The following XRRA1 variants were observed in gnomAD, a reference collection of about 807,000 sequenced individuals.
XRRA1 encodes X-ray radiation resistance associated 1.
XRRA1 carries 69 observed loss-of-function variants against 80.2 expected under a neutral mutation model. That is an observed-to-expected ratio of 0.86 (90% CI 0.71 to 1.05). XRRA1 has a LOEUF of 1.05. Among genes scored for constraint, XRRA1 ranks in the 50% least tolerant of loss-of-function variants. The pLI is 0.00. For synonymous variants in XRRA1, 348 were observed against 389.9 expected, an observed-to-expected ratio of 0.89 and a Z score of 1.27; for missense variants, 967 against 976.4, an observed-to-expected ratio of 0.99 and a Z score of 0.13.
chr11:74,943,548 T>TGTGTGTGTGTGTGTGTGTGTGTGG (rs1946832760), intron 2 of XRRA1, among the ~76,000 whole-genome samples: 1 of 150,834 alleles, frequency 6.6e-6, no homozygotes, highest in Non-Finnish European at 1.5e-5. Context: ...TGTGTGTGTG[T>TGTGTGTGTGTGTGTGTGTGTGTGG]GTGTGTGTGT....
Position 74,859,170 on chromosome 11 carries a change from C to T in XRRA1, c.1158G>A (p.Leu386=), listed in dbSNP as rs1359303142. The part of the protein sequence containing the change: ...PPFPELRYLS[L]AYNKIAKEDA... ...AGCAGAAAGTCACCTTGTTGTAGGC[C>T]AGGCTAAGGTATCTCAGCTCTGGGA... Residue 386 remains leucine, a synonymous_variant, in exon 12 of 19, where the codon CTG becomes CTA. Transcript: ENST00000684022. 1 of 1,600,450 alleles carries T rather than the reference C, an allele frequency of 6.2e-7. No homozygotes were observed. Among genetic ancestry groups the T allele is most frequent in the African/African-American group, 1.4e-5 (1 of 73,874 alleles).
In XRRA1 at chr11:74,843,453, C is replaced by G; in HGVS notation, c.2150G>C (p.Gly717Ala). 1.9e-6 allele frequency: 3 copies of G among 1,610,874 alleles called. No homozygotes were observed. The highest frequency in any genetic ancestry group is 1.7e-6 in the Non-Finnish European group (2 of 1,178,666). ...TTCTGTCCACTGGTGCAGGACAGCACCTGCAGGAAAAGAAGCCAGGAGAGG... is the reference window on the plus strand; with the variant it reads ...TTCTGTCCACTGGTGCAGGACAGCAGCTGCAGGAAAAGAAGCCAGGAGAGG... ...DPRNITEAPLGAVLHQWTERR... is the reference protein window; with the variant it reads ...DPRNITEAPLAAVLHQWTERR... The change falls in exon 19 of 19, where the codon GGT becomes GCT. Residue 717 changes from glycine (G) to alanine (A), a missense_variant and splice_region_variant. Coordinates refer to ENST00000684022, the MANE Select transcript of XRRA1 (RefSeq NM_001378157.1).
intron 10 of XRRA1, among the ~76,000 whole-genome samples, chr11:74,904,651 A>G (rs2054203281): frequency 1.3e-5 from 2 of 152,114 alleles, no homozygotes; most frequent in Non-Finnish European, 2.9e-5. Context: ...ATCAATAATC[A>G]CCATGTGAGT....
At chr11:74,940,438 G>T (rs1946096811) in intron 3 of XRRA1, among the ~76,000 whole-genome samples, 1 of 152,150 alleles carries the variant, frequency 6.6e-6, no homozygotes, top group South Asian at 2.1e-4. Flanking sequence ...CAAGAATGAG[G>T]GCTGGAACAT....
At chr11:74,881,769 C>T (rs1471700266) in intron 10 of XRRA1, among the ~76,000 whole-genome samples, 1 of 149,960 alleles carries the variant, frequency 6.7e-6, no homozygotes, top group Non-Finnish European at 1.5e-5. Context: ...ACTTATGAAG[C>T]TTAGTTTGGC....
intron 10 of XRRA1, among the ~76,000 whole-genome samples, chr11:74,888,316 T>C (rs976071141): frequency 6.6e-6 from 1 of 152,164 alleles, no homozygotes; most frequent in East Asian, 1.9e-4. Context: ...AAACAGGGTC[T>C]AGAGTGGACC....
intron 6 of XRRA1, among the ~76,000 whole-genome samples, chr11:74,929,641 C>A (rs775346826): frequency 1.3e-5 from 2 of 152,190 alleles, no homozygotes; most frequent in Non-Finnish European, 2.9e-5. Flanking sequence ...CTCCAGCAGC[C>A]GGAAATGCCT....
intron 10 of XRRA1, among the ~76,000 whole-genome samples, chr11:74,901,292 G>T (rs1388144392): frequency 1.3e-5 from 2 of 151,926 alleles, no homozygotes; most frequent in African/African-American, 4.8e-5. Flanking sequence ...AATTGAAAAG[G>T]ACACATAAAA....
chr11:74,914,281 C>T (rs539546078), intron 8 of XRRA1, among the ~76,000 whole-genome samples: 1 of 151,152 alleles, frequency 6.6e-6, no homozygotes, highest in East Asian at 1.9e-4. Flanking sequence ...CCACCGTGCC[C>T]ATCCCCCTTT....
intron 14 of XRRA1, among the ~76,000 whole-genome samples, chr11:74,850,421 G>T (rs565852002): frequency 6.6e-6 from 1 of 152,188 alleles, no homozygotes; most frequent in African/African-American, 2.4e-5. Flanking sequence ...CTCTGAGGAC[G>T]TCAGACAAGA....
chr11:74,888,753 G>A (rs371548154), intron 10 of XRRA1, among the ~76,000 whole-genome samples: 3 of 152,288 alleles, frequency 2.0e-5, no homozygotes, highest in Admixed American at 6.5e-5. Context: ...ACCATGGCAC[G>A]AGAACTACGT....
intron 3 of XRRA1, among the ~76,000 whole-genome samples, chr11:74,939,750 T>C (rs1945911086): frequency 6.6e-6 from 1 of 152,288 alleles, no homozygotes; most frequent in East Asian, 1.9e-4. Flanking sequence ...GACTGGTAAA[T>C]ATACATATGT....
chr11:74,857,863 T>C lies in XRRA1; in HGVS notation c.1170+1295A>G, dbSNP rs186405397. ...AACTAACTTATAAATAACCTGTGGA[T>C]CAAAGAAGAAATCACAGGAAAAAGT... is the stretch of plus-strand genomic sequence containing the variant. On this transcript the variant is annotated intron_variant, in intron 12 of 18. Transcript: ENST00000684022. Among the ~76,000 whole-genome samples the C allele has an allele frequency of 1.3e-3, 199 of 152,160 alleles. 5 individuals carry two copies. The highest frequency in any genetic ancestry group is 0.013 in the Admixed American group (199 of 15,292).
At position 74,907,170 on chromosome 11, in the gene XRRA1, A is replaced by C; in HGVS notation, c.760T>G (p.Phe254Val). Residue 254 changes from phenylalanine to valine, a missense_variant, in exon 9 of 19, where the codon TTT (phenylalanine) becomes GTT (valine). Coordinates refer to ENST00000684022, the MANE Select transcript of XRRA1 (RefSeq NM_001378157.1). ...DDNRLSNPSC[F>V]ASLAGLRRLK... The stretch of plus-strand genomic sequence containing the variant: ...CTCCTGAGCCCAGCCAGGCTGGCAA[A>C]GCAACTGGGGTTGGAGAGTCTGTTG... 6.2e-7 allele frequency: 1 copy of C among 1,613,932 alleles called. No individual in the cohort carries two copies. The highest frequency in any genetic ancestry group is 8.5e-7 in the Non-Finnish European group (1 of 1,179,886).
intron 3 of XRRA1, among the ~76,000 whole-genome samples, chr11:74,938,644 A>C (rs1391651696): frequency 6.6e-6 from 1 of 152,216 alleles, no homozygotes; most frequent in African/African-American, 2.4e-5. Flanking sequence ...ATTTACAATA[A>C]GTTGATGTTA....
intron 1 of XRRA1, among the ~76,000 whole-genome samples, chr11:74,945,886 G>A (rs1009235810): frequency 6.6e-5 from 10 of 151,902 alleles, no homozygotes; most frequent in Non-Finnish European, 1.2e-4. Context: ...TTCCTTGCCC[G>A]GCTACATACA....
chr11:74,949,056 C>G lies in XRRA1; in HGVS notation c.-201G>C. 2.3e-6 allele frequency: 1 copy of G among 441,142 alleles called. No individual in the cohort carries two copies. The highest frequency in any genetic ancestry group is 2.8e-5 in the South Asian group (1 of 36,292). The allele number at this position is 441,142 out of a possible 1,614,324, so 27.3% of individuals were successfully genotyped here. On this transcript the variant is annotated 5_prime_UTR_variant, in exon 1 of 19. Transcript: ENST00000684022. The stretch of plus-strand genomic sequence containing the variant: ...ACTGCGGTGCCTGCCGCTATCTTCC[C>G]CACGCCTTAGTAACTGCGACGCGAC...
At chr11:74,938,960 A>G (rs145730664) in intron 3 of XRRA1, among the ~76,000 whole-genome samples, 262 of 152,356 alleles carry the variant, frequency 1.7e-3, no homozygotes, top group South Asian at 5.8e-3. Flanking sequence ...GCAACATCCT[A>G]TAATGGTTCT....
chr11:74,927,710 T>C (rs981986040), intron 6 of XRRA1, among the ~76,000 whole-genome samples: 2 of 152,212 alleles, frequency 1.3e-5, no homozygotes, highest in Non-Finnish European at 2.9e-5. Context: ...TTTGCCAGAA[T>C]GGAATTGCTG....
Sources: gnomAD v4.1 joint callset for allele counts (sites outside exome capture counted in the v4.1 genomes callset) on GRCh38, gnomAD v4.1.1 for gene constraint, MANE v1.5 for transcripts, NCBI Gene and HGNC (gene_info 2026-07-23, HGNC 2026-07-21) for gene names.